The following MGLL variants were observed in gnomAD, a reference collection of about 807,000 sequenced individuals.
MGLL encodes the protein lysophospholipase homolog.
A neutral mutation model predicts 29.1 loss-of-function variants in MGLL; 7 were observed. The ratio of observed to expected loss-of-function variants is 0.24; its 90% CI spans 0.14 to 0.45. The LOEUF is 0.45. MGLL is among the 20% of genes least tolerant of loss of function. The pLI is 0.99. For synonymous variants in MGLL, 148 were observed against 168.3 expected (o/e 0.88, Z 0.93); for missense variants, 356 against 413.6 (o/e 0.86, Z 1.21).
At chr3:127,760,223 C>T (rs886281488) in intron 3 of MGLL, among the ~76,000 whole-genome samples, 9 of 152,216 alleles carry the variant, frequency 5.9e-5, no homozygotes, top group Non-Finnish European at 1.0e-4. Flanking sequence ...TCAGGCCTAA[C>T]ATACAGATGG....
At chr3:127,722,595 C>G in intron 3 of MGLL, 29 bp from the exon 4 acceptor site, 2 of 1,614,198 alleles carry the variant, frequency 1.2e-6, no homozygotes, top group Non-Finnish European at 1.7e-6. Flanking sequence ...TGAGAGAGAG[C>G]TGCAGTTACC....
intron 3 of MGLL, among the ~76,000 whole-genome samples, chr3:127,734,509 C>G (rs996581411): frequency 2.0e-5 from 3 of 152,198 alleles, no homozygotes; most frequent in Non-Finnish European, 4.4e-5. Flanking sequence ...CATTTCTCAC[C>G]CCTGCTCCTT....
chr3:127,814,166 A>C (rs1206406888), intron 2 of MGLL, among the ~76,000 whole-genome samples: 3 of 152,162 alleles, frequency 2.0e-5, no homozygotes, highest in African/African-American at 7.2e-5. Flanking sequence ...CATGGGAATA[A>C]ATGGTCAGCA....
At chr3:127,787,614 A>G (rs540116144) in intron 2 of MGLL, among the ~76,000 whole-genome samples, 1 of 152,320 alleles carries the variant, frequency 6.6e-6, no homozygotes, top group Non-Finnish European at 1.5e-5. Flanking sequence ...GCAGGTGGGG[A>G]TGCCACCAGT....
chr3:127,717,718 A>G (rs2075842021), intron 5 of MGLL, among the ~76,000 whole-genome samples: 1 of 151,884 alleles, frequency 6.6e-6, no homozygotes, highest in African/African-American at 2.4e-5. Flanking sequence ...GCCCAGAGGG[A>G]TTTTTCTCTT....
At chr3:127,775,438 A>C (rs1159138607) in intron 3 of MGLL, among the ~76,000 whole-genome samples, 4 of 152,166 alleles carry the variant, frequency 2.6e-5, no homozygotes, top group Non-Finnish European at 5.9e-5. Context: ...CCCTGGATGA[A>C]AAACACCCAT....
At chr3:127,806,825 G>A (rs978322350) in intron 2 of MGLL, among the ~76,000 whole-genome samples, 2 of 152,086 alleles carry the variant, frequency 1.3e-5, no homozygotes, top group African/African-American at 4.8e-5. Context: ...TCAGGAGTTC[G>A]AGACCAGCCT....
chr3:127,743,269 G>A (rs2076378891), intron 3 of MGLL, among the ~76,000 whole-genome samples: 1 of 152,108 alleles, frequency 6.6e-6, no homozygotes, highest in Non-Finnish European at 1.5e-5. Context: ...ATGCTTTATT[G>A]GAGAGAGGAT....
chr3:127,719,844 G>A lies in MGLL; in HGVS notation c.510+1209C>T, dbSNP rs143467660. Among the ~76,000 whole-genome samples, 313 of 152,278 alleles carry A rather than the reference G, an allele frequency of 2.1e-3. 2 individuals carry two copies. The highest frequency in any genetic ancestry group is 7.2e-3 in the African/African-American group (301 of 41,550). ...AAGTCCGTGATTTCCTTAAACTGGAGTAAAATTCAAAGGAGATATCATCCA... is the reference window on the plus strand; with the variant it reads ...AAGTCCGTGATTTCCTTAAACTGGAATAAAATTCAAAGGAGATATCATCCA... On this transcript the variant is annotated intron_variant, in intron 5 of 7. Transcript: ENST00000265052.
At chr3:127,783,032 A>G (rs67136347) in intron 2 of MGLL, among the ~76,000 whole-genome samples, 13,974 of 149,114 alleles carry the variant, frequency 0.094, 779 homozygotes, top group South Asian at 0.16. Flanking sequence ...AAAATTAACC[A>G]GGCATGGTGG....
intron 3 of MGLL, among the ~76,000 whole-genome samples, chr3:127,749,062 C>T (rs1426498828): frequency 1.3e-5 from 2 of 152,320 alleles, no homozygotes; most frequent in Admixed American, 6.5e-5. Context: ...ACCCTGATCA[C>T]TCTCTTACTA....
intron 3 of MGLL, among the ~76,000 whole-genome samples, chr3:127,770,033 G>A (rs1490157000): frequency 2.0e-5 from 3 of 152,152 alleles, no homozygotes; most frequent in Non-Finnish European, 2.9e-5. Flanking sequence ...CTTGTAACTC[G>A]CAAAGAGCTT....
intron 2 of MGLL, chr3:127,791,236 C>T (rs2077295244): frequency 6.6e-6 from 1 of 152,186 alleles, no homozygotes. Context: ...ATTGAAAGAT[C>T]AGAGTCCTAA....
chr3:127,764,776 C>A (rs1208849243), intron 3 of MGLL, among the ~76,000 whole-genome samples: 1 of 152,130 alleles, frequency 6.6e-6, no homozygotes, highest in East Asian at 1.9e-4. Flanking sequence ...GGAGTCAAAT[C>A]AGGTTTTCCT....
chr3:127,753,498 T>G (rs2076596219), intron 3 of MGLL, among the ~76,000 whole-genome samples: 1 of 152,228 alleles, frequency 6.6e-6, no homozygotes. Flanking sequence ...CACAGTCACA[T>G]TCCACGGATT....
chr3:127,814,019 TTTCC>T (rs1391715841), intron 2 of MGLL, among the ~76,000 whole-genome samples: 2 of 151,802 alleles, frequency 1.3e-5, no homozygotes, highest in Non-Finnish European at 2.9e-5. Context: ...TCCTTCCTTC[TTTCC>T]TTCCTTCCTT....
intron 3 of MGLL, among the ~76,000 whole-genome samples, chr3:127,764,457 C>T (rs963377718): frequency 2.0e-5 from 3 of 152,050 alleles, no homozygotes; most frequent in Admixed American, 6.6e-5. Context: ...AGAAGAAGGA[C>T]GGAAAGCCCC....
chr3:127,814,552 G>A (rs766315634), intron 2 of MGLL, among the ~76,000 whole-genome samples: 1 of 152,212 alleles, frequency 6.6e-6, no homozygotes, highest in Non-Finnish European at 1.5e-5. Flanking sequence ...AAACCTAAAA[G>A]GTGCCAATAA....
Position 127,721,142 on chromosome 3 carries a change from T to C in MGLL, c.421A>G (p.Thr141Ala), listed in dbSNP as rs1161759598. 1 of 1,614,004 alleles carries C rather than the reference T, an allele frequency of 6.2e-7. No homozygotes were observed. Among genetic ancestry groups the C allele is most frequent in the Non-Finnish European group, 8.5e-7 (1 of 1,180,018 alleles). The part of the protein sequence containing the change: ...HSMGGAIAIL[T>A]AAERPGHFAG... ...AAGTGGCCCGGCCTCTCTGCGGCCG[T>C]GAGGATGGCGATGGCGCCTCCCTGT... Residue 141 changes from threonine to alanine, a missense_variant, in exon 5 of 8, where the codon ACG becomes GCG. Physicochemically the swap from Thr to Ala is moderately conservative, Grantham distance 58. Coordinates refer to ENST00000265052, the MANE Select transcript of MGLL (RefSeq NM_007283.7).
Sources: allele counts gnomAD v4.1 joint callset (sites outside exome capture counted in the v4.1 genomes callset), GRCh38; gene constraint gnomAD v4.1.1; transcripts MANE v1.5; gene names NCBI Gene and HGNC (gene_info 2026-07-23, HGNC 2026-07-21).